NOTCH3: variants seen among roughly 807,000 people sequenced by gnomAD.
NOTCH3 encodes neurogenic locus notch homolog protein 3.
A neutral mutation model predicts 213.3 loss-of-function variants in NOTCH3; 86 were observed. The observed-to-expected ratio is 0.40, with a 90% CI of 0.34 to 0.48. The LOEUF is 0.48. Among genes scored for constraint, NOTCH3 ranks in the 20% least tolerant of loss-of-function variants. The probability of loss-of-function intolerance (pLI) is 0.57; values close to 1 mark genes in which losing one functional copy is unlikely to be tolerated. For missense variants in NOTCH3, 2,783 were observed against 3,272.6 expected, an observed-to-expected ratio of 0.85 and a Z score of 3.65; for synonymous variants, 1,354 against 1,355.9, an observed-to-expected ratio of 1.00 and a Z score of 0.03.
Position 15,175,592 on chromosome 19 carries a change from C to T in NOTCH3, c.4404-1192G>A, listed in dbSNP as rs4809036. ...ATATATATGTATATATATGTATATA[C>T]ACACACACACACACACACACACGCA... On this transcript the variant is annotated intron_variant, in intron 24 of 32. Transcript: ENST00000263388. Among the ~76,000 whole-genome samples the T allele has an allele frequency of 8.0e-3, 404 of 50,722 alleles. 2 individuals carry two copies. Among genetic ancestry groups the T allele is most frequent in the Non-Finnish European group, 0.013 (274 of 20,852 alleles). 33.3% of individuals were successfully genotyped at this position (50,722 alleles called of 152,430 possible). A position where few individuals can be genotyped will look rare whatever the true frequency, so the allele number is the denominator to read the frequency against.
At chr19:15,189,756 T>A (rs1423533672) in intron 6 of NOTCH3, among the ~76,000 whole-genome samples, 1 of 151,754 alleles carries the variant, frequency 6.6e-6, no homozygotes, top group Non-Finnish European at 1.5e-5. Context: ...TGACCTCAGG[T>A]GATCTGCCTG....
In NOTCH3 at chr19:15,185,684, G is replaced by A. The variant is rs2145430599; in HGVS notation, c.1952-5C>T. On this transcript the variant is annotated splice_region_variant and splice_polypyrimidine_tract_variant and intron_variant, in intron 12 of 32. Transcript: ENST00000263388. The surrounding 1 kb of genome is among the most constrained non-coding windows in gnomAD (Gnocchi z 4.2). ...TCTCCACGTTACAAAGGGGCCCTGGGGAGTACACAAGCAATCTCATCTCAG... is the reference window on the plus strand; with the variant it reads ...TCTCCACGTTACAAAGGGGCCCTGGAGAGTACACAAGCAATCTCATCTCAG... 1 of 1,612,880 alleles carries A rather than the reference G, an allele frequency of 6.2e-7. No individual in the cohort carries two copies. The highest frequency in any genetic ancestry group is 8.5e-7 in the Non-Finnish European group (1 of 1,179,990).
chr19:15,167,192 C>A (rs2046692834), intron 29 of NOTCH3, 57 bp downstream of exon 29: 1 of 1,572,058 alleles, frequency 6.4e-7, no homozygotes, highest in Non-Finnish European at 8.7e-7. Flanking sequence ...TCAGAAATAA[C>A]CTCTCACAGG....
rs1047958044 is a variant in NOTCH3 at position 15,165,680 on chromosome 19, T to C, written c.5667+107A>G. ...GATACTGTATTCCCATATATCCCCA[T>C]TTTCCAAATGAGAAAAAATGAGTCT... is the stretch of plus-strand genomic sequence containing the variant. On this transcript the variant is annotated intron_variant, in intron 30 of 32. Coordinates refer to ENST00000263388, the MANE Select transcript of NOTCH3 (RefSeq NM_000435.3). The surrounding 1 kb of genome is among the most constrained non-coding windows in gnomAD (Gnocchi z 4.7). 8.0e-6 allele frequency: 10 copies of C among 1,253,518 alleles called. No individual in the cohort carries two copies. In the Middle Eastern group the frequency reaches 9.0e-4, roughly 113 times the overall value. 77.6% of individuals were successfully genotyped at this position (1,253,518 alleles called of 1,614,324 possible).
chr19:15,200,329 C>A (rs1037144164), intron 1 of NOTCH3, among the ~76,000 whole-genome samples: 3 of 151,508 alleles, frequency 2.0e-5, no homozygotes, highest in Non-Finnish European at 4.4e-5. Flanking sequence ...AACTTCGCGC[C>A]CCCTCCCCAC....
At chr19:15,170,969 T>G in intron 25 of NOTCH3, 144 bp from the exon 26 acceptor site, 1 of 851,884 alleles carries the variant, frequency 1.2e-6, no homozygotes, top group Non-Finnish European at 1.9e-6. Context: ...TGCATCCACC[T>G]GGCATCCAAC....
intron 26 of NOTCH3, 59 bp from the exon 27 acceptor site, chr19:15,170,612 G>A (rs2046724742): frequency 1.3e-6 from 2 of 1,565,466 alleles, no homozygotes; most frequent in Admixed American, 1.9e-5. Context: ...GGCCTCAGGC[G>A]GGGCTTCGGC....
rs1184298664 is a variant in NOTCH3 at position 15,185,537 on chromosome 19, G to C, written c.2094C>G (p.Pro698=). 4 of 1,613,720 alleles carry C rather than the reference G, an allele frequency of 2.5e-6. No individual in the cohort carries two copies. Among genetic ancestry groups the C allele is most frequent in the African/African-American group, 2.7e-5 (2 of 74,888 alleles). Residue 698 remains proline (P), a synonymous_variant, in exon 13 of 33, where the codon CCC becomes CCG. Coordinates refer to ENST00000263388, the MANE Select transcript of NOTCH3 (RefSeq NM_000435.3). The surrounding 1 kb of genome is among the most constrained non-coding windows in gnomAD (Gnocchi z 4.2). ...CGTGACTGCAGGGCTCATGGGCACA[G>C]GGATGGCTCGGGGGGAGGCAGAGTG... ...LPPLCLPPSH[P]CAHEPCSHGI... is the part of the protein sequence containing the mutation.
At position 15,161,011 on chromosome 19, in the gene NOTCH3, T is replaced by A. The variant is rs1235850193; in HGVS notation, c.6617A>T (p.Glu2206Val). 1.9e-6 allele frequency: 3 copies of A among 1,540,754 alleles called. No individual in the cohort carries two copies. In the South Asian group the frequency reaches 3.6e-5, roughly 18 times the overall value. Residue 2206 changes from glutamate (E) to valine (V), a missense_variant, in exon 33 of 33, where the codon GAG becomes GTG. Glu to Val is a moderately radical substitution (Grantham distance 121, BLOSUM62 -2). Coordinates refer to ENST00000263388, the MANE Select transcript of NOTCH3 (RefSeq NM_000435.3). ...GACTGCCAGGTAAGGCGGGGGCCGCTCCTGCGGGGAGACGGGGGTCCCTGG... is the reference window on the plus strand; with the variant it reads ...GACTGCCAGGTAAGGCGGGGGCCGCACCTGCGGGGAGACGGGGGTCCCTGG... Reference protein sequence around the residue: ...LNPGTPVSPQERPPPYLAVPG... With the variant: ...LNPGTPVSPQVRPPPYLAVPG...
chr19:15,181,727 C>T lies in NOTCH3; in HGVS notation c.2641G>A (p.Gly881Ser), dbSNP rs1436528088. 6.4e-7 allele frequency: 1 copy of T among 1,572,422 alleles called. No individual in the cohort carries two copies. Among genetic ancestry groups the T allele is most frequent in the Non-Finnish European group, 8.6e-7 (1 of 1,158,450 alleles). ...TCCACATCGCGGGCGCATCGTGGGC[C>T]GGCGAAACCAGGGAGGCAGGAGCAG... ...FSCSCLPGFAGPRCARDVDEC... is the reference protein window; with the variant it reads ...FSCSCLPGFASPRCARDVDEC... Residue 881 changes from glycine (G) to serine (S), a missense_variant, in exon 17 of 33, where the codon GGC (glycine) becomes AGC (serine). By Grantham distance (56) the Gly-to-Ser change is moderately conservative. Around this residue, in one of 6 missense-constraint regions of NOTCH3, gnomAD observed 861 missense variants for 909.1 expected, o/e 0.95. Transcript: ENST00000263388.
rs2046630118 is a variant in NOTCH3 at position 15,160,394 on chromosome 19, G to T, written c.*268C>A. Reference sequence around the variant, plus strand: ...AGGCCAGAAGGAGAGAGAAAGGAATGAGGGAAGAGAGAAGTGGGGAAGAAG... The same window carrying T: ...AGGCCAGAAGGAGAGAGAAAGGAATTAGGGAAGAGAGAAGTGGGGAAGAAG... On this transcript the variant is annotated 3_prime_UTR_variant, in exon 33 of 33. Transcript: ENST00000263388. The T allele has an allele frequency of 1.9e-6, 1 of 513,830 alleles. No individual in the cohort carries two copies. The highest frequency in any genetic ancestry group is 3.5e-6 in the Non-Finnish European group (1 of 287,438). The allele number at this position is 513,830 out of a possible 1,614,324, so 31.8% of individuals were successfully genotyped here.
At chr19:15,179,980 A>C in intron 20 of NOTCH3, 92 bp downstream of exon 20, 1 of 848,612 alleles carries the variant, frequency 1.2e-6, no homozygotes, top group South Asian at 1.5e-5. Context: ...ATATCTAGAG[A>C]CATACCCATA....
Position 15,185,480 on chromosome 19 carries a change from C to A in NOTCH3, c.2144+7G>T, listed in dbSNP as rs746326580. 3.7e-6 allele frequency: 6 copies of A among 1,612,976 alleles called. No individual in the cohort carries two copies. The highest frequency in any genetic ancestry group is 5.1e-6 in the Non-Finnish European group (6 of 1,179,534). On this transcript the variant is annotated splice_region_variant and intron_variant, in intron 13 of 32. Coordinates refer to ENST00000263388, the MANE Select transcript of NOTCH3 (RefSeq NM_000435.3). The surrounding 1 kb of genome is among the most constrained non-coding windows in gnomAD (Gnocchi z 4.2). ...GGGCAGTGTCTGAGGCTGAGAAGGG[C>A]CCTCACCCGCCAGGTGCATCATAGC...
At chr19:15,184,577 T>A (rs2046866191) in intron 15 of NOTCH3, 127 bp from the exon 16 acceptor site, 1 of 896,450 alleles carries the variant, frequency 1.1e-6, no homozygotes, top group East Asian at 2.6e-5. Context: ...CTGTCATTCG[T>A]GTCTGGGCAT....
chr19:15,172,366 C>G (rs1011361297), intron 25 of NOTCH3, among the ~76,000 whole-genome samples: 4 of 152,164 alleles, frequency 2.6e-5, no homozygotes, highest in Admixed American at 6.5e-5. Context: ...CAGGTATCTC[C>G]TTGGAGGCCT....
chr19:15,162,691 CT>C, intron 31 of NOTCH3, 129 bp from the exon 32 acceptor site: 1 of 720,526 alleles, frequency 1.4e-6, no homozygotes, highest in Non-Finnish European at 2.5e-6. Context: ...TATCCAAGTA[CT>C]TGTGTCTGGA....
At chr19:15,174,022 T>C (rs773293779) in intron 25 of NOTCH3, 46 bp downstream of exon 25, 1 of 1,452,740 alleles carries the variant, frequency 6.9e-7, no homozygotes, top group Non-Finnish European at 9.3e-7. Flanking sequence ...CAACAGCATC[T>C]CTCCTCTCCC....
At chr19:15,186,766 G>A (rs928302887) in intron 12 of NOTCH3, 112 bp downstream of exon 12, 21 of 880,138 alleles carry the variant, frequency 2.4e-5, no homozygotes, top group South Asian at 1.3e-4. Context: ...GGCAAAGCAC[G>A]GACAACCTCG....
In NOTCH3 at chr19:15,185,193, G is replaced by GGAGAA; in HGVS notation, c.2296+59_2296+63dup. 1 of 1,580,074 alleles carries GGAGAA rather than the reference G, an allele frequency of 6.3e-7. No homozygotes were observed. Among genetic ancestry groups the GGAGAA allele is most frequent in the Non-Finnish European group, 8.7e-7 (1 of 1,150,708 alleles). ...TAACATAGCGGGAGGAGAGAGTAGA[G>GGAGAA]GAGAAGAGAGATGAGAAGGCCCATG... On this transcript the variant is annotated intron_variant, in intron 14 of 32. Transcript: ENST00000263388. This position sits in a 1 kb window ranked among gnomAD's most constrained non-coding sequence, Gnocchi z 4.2.
Sources: allele counts gnomAD v4.1 joint callset (sites outside exome capture counted in the v4.1 genomes callset), GRCh38; gene constraint gnomAD v4.1.1; regional missense constraint gnomAD v4.1.1; non-coding constraint Gnocchi (gnomAD v3.1); transcripts MANE v1.5; gene names NCBI Gene and HGNC (gene_info 2026-07-23, HGNC 2026-07-21).